TGFBR1: variants seen among roughly 807,000 people sequenced by gnomAD.
TGFBR1 encodes the protein TGF-beta receptor type-1.
Under a neutral mutation model 55.1 loss-of-function variants are expected in TGFBR1, and 20 were observed. The observed-to-expected ratio is 0.36, with a 90% CI of 0.26 to 0.53. TGFBR1 has a LOEUF of 0.53. TGFBR1 is among the 20% of genes least tolerant of loss of function. The probability of loss-of-function intolerance (pLI) is 0.91; values close to 1 mark genes in which losing one functional copy is unlikely to be tolerated. For missense variants in TGFBR1, 385 were observed against 617.6 expected (o/e 0.62, Z 3.99); for synonymous variants, 220 against 214.8 (o/e 1.02, Z -0.21).
At chr9:99,119,698 A>G (rs1426444492) in intron 1 of TGFBR1, among the ~76,000 whole-genome samples, 8 of 152,192 alleles carry the variant, frequency 5.3e-5, no homozygotes, top group Non-Finnish European at 2.9e-5. Context: ...GTGTGTCCCT[A>G]CACTGTTAAT....
At chr9:99,130,237 T>G (rs2118593054) in intron 2 of TGFBR1, among the ~76,000 whole-genome samples, 1 of 152,074 alleles carries the variant, frequency 6.6e-6, no homozygotes, top group East Asian at 1.9e-4. Context: ...AGACAAAGGA[T>G]TTGGGGGGTG....
At chr9:99,125,794 C>T (rs1043030627) in intron 1 of TGFBR1, among the ~76,000 whole-genome samples, 3 of 152,166 alleles carry the variant, frequency 2.0e-5, no homozygotes, top group Non-Finnish European at 2.9e-5. Context: ...AAAATATGTT[C>T]TCAAACCTTG....
rs374034229 is a variant in TGFBR1 at position 99,146,466 on chromosome 9, T to C, written c.1131-19T>C. 6.2e-7 allele frequency: 1 copy of C among 1,613,760 alleles called. No individual in the cohort carries two copies. On this transcript the variant is annotated intron_variant, in intron 6 of 8. Transcript: ENST00000374994. ...GTAAGGGGATGATTTTCAAAGTTCT[T>C]TTTGCAAATTTTTTTTAGGTACATG...
At chr9:99,111,628 CAACAAAAACAAACA>C (rs1826584100) in intron 1 of TGFBR1, among the ~76,000 whole-genome samples, 1 of 151,878 alleles carries the variant, frequency 6.6e-6, no homozygotes, top group African/African-American at 2.4e-5. Context: ...AACTCCATCT[CAACAAAAACAAACA>C]AACAAAAAAA....
In TGFBR1 at chr9:99,149,982, G is replaced by A; in HGVS notation, c.*677G>A. On this transcript the variant is annotated 3_prime_UTR_variant, in exon 9 of 9. Coordinates refer to ENST00000374994, the MANE Select transcript of TGFBR1 (RefSeq NM_004612.4). The stretch of plus-strand genomic sequence containing the variant: ...ACTTCTGTGTCTTTCTAATGGAAAT[G>A]AGTAGAATTGCTGAAAGTCTCTATG... 5.3e-6 allele frequency: 1 copy of A among 189,152 alleles called. No individual in the cohort carries two copies. The allele number at this position is 189,152 out of a possible 1,614,324, so 11.7% of individuals were successfully genotyped here.
At chr9:99,126,379 T>C (rs1827043763) in intron 1 of TGFBR1, among the ~76,000 whole-genome samples, 1 of 152,198 alleles carries the variant, frequency 6.6e-6, no homozygotes. Flanking sequence ...GTTACCACAT[T>C]GTATTACAGT....
At chr9:99,106,739 G>A (rs1826426279) in intron 1 of TGFBR1, among the ~76,000 whole-genome samples, 1 of 152,150 alleles carries the variant, frequency 6.6e-6, no homozygotes, top group African/African-American at 2.4e-5. Context: ...ACTATCTGGC[G>A]TAGCCCATTT....
intron 2 of TGFBR1, among the ~76,000 whole-genome samples, chr9:99,130,141 T>A (rs2118592065): frequency 6.6e-6 from 1 of 152,292 alleles, no homozygotes; most frequent in East Asian, 1.9e-4. Context: ...ACTTCTGCAA[T>A]TTACAGTACA....
rs201249841 is a variant in TGFBR1 at position 99,152,388 on chromosome 9, G to A, written c.*3083G>A. 4.4e-6 allele frequency: 1 copy of A among 225,580 alleles called. No individual in the cohort carries two copies. The highest frequency in any genetic ancestry group is 2.2e-5 in the African/African-American group (1 of 44,912). 14.0% of individuals were successfully genotyped at this position (225,580 alleles called of 1,614,324 possible). A position where few individuals can be genotyped will look rare whatever the true frequency, so the allele number is the denominator to read the frequency against. ...TATAAGACAGGGTAAGGTCTGAAGA[G>A]CTGAGCCTGTAATTCTGCTGTAATA... On this transcript the variant is annotated 3_prime_UTR_variant, in exon 9 of 9. Coordinates refer to ENST00000374994, the MANE Select transcript of TGFBR1 (RefSeq NM_004612.4).
rs756570466 is a variant in TGFBR1 at position 99,147,675 on chromosome 9, T to G, written c.1277T>G (p.Leu426Arg). The G allele has an allele frequency of 6.2e-7, 1 of 1,613,568 alleles. No homozygotes were observed. The change falls in exon 8 of 9, where the codon CTG (leucine) becomes CGG (arginine). Residue 426 changes from leucine to arginine, a missense_variant. Around this residue, in one of 5 missense-constraint regions of TGFBR1, gnomAD observed 110 missense variants for 154.6 expected, o/e 0.71. Transcript: ENST00000374994. ...SIGGIHEDYQ[L>R]PYYDLVPSDP... is the part of the protein sequence containing the mutation. ...ACAGGAATTCATGAAGATTACCAACTGCCTTATTATGATCTTGTACCTTCT... is the reference window on the plus strand; with the variant it reads ...ACAGGAATTCATGAAGATTACCAACGGCCTTATTATGATCTTGTACCTTCT...
In TGFBR1 at chr9:99,149,736, C is replaced by CTA; in HGVS notation, c.*432_*433dup. 1 of 253,826 alleles carries CTA rather than the reference C, an allele frequency of 3.9e-6. No individual in the cohort carries two copies. Among genetic ancestry groups the CTA allele is most frequent in the East Asian group, 5.9e-5 (1 of 16,968 alleles). 15.7% of individuals were successfully genotyped at this position (253,826 alleles called of 1,614,324 possible). A position where few individuals can be genotyped will look rare whatever the true frequency, so the allele number is the denominator to read the frequency against. On this transcript the variant is annotated 3_prime_UTR_variant, in exon 9 of 9. Coordinates refer to ENST00000374994, the MANE Select transcript of TGFBR1 (RefSeq NM_004612.4). ...TACATTCTCAGAGGATTCTGAACCACTAGAGTTTCCTTGATTCAGACTTTG... is the reference window on the plus strand; with the variant it reads ...TACATTCTCAGAGGATTCTGAACCACTATAGAGTTTCCTTGATTCAGACTTTG...
At chr9:99,140,467 A>C (rs562144473) in intron 4 of TGFBR1, among the ~76,000 whole-genome samples, 1 of 151,824 alleles carries the variant, frequency 6.6e-6, no homozygotes, top group South Asian at 2.1e-4. Flanking sequence ...AAAAAAAAAC[A>C]ACAACAAAAC....
chr9:99,114,344 G>C (rs539357517), intron 1 of TGFBR1, among the ~76,000 whole-genome samples: 1 of 152,284 alleles, frequency 6.6e-6, no homozygotes, highest in East Asian at 1.9e-4. Flanking sequence ...TGGTAACCAA[G>C]GCAAGTAAGG....
intron 1 of TGFBR1, among the ~76,000 whole-genome samples, chr9:99,111,443 A>G (rs1216218147): frequency 1.3e-5 from 2 of 151,778 alleles, no homozygotes; most frequent in Non-Finnish European, 1.5e-5. Context: ...CCTGGCCAAC[A>G]TGATGAAACC....
chr9:99,139,179 AT>A lies in TGFBR1; in HGVS notation c.805+1093del, dbSNP rs776389630. On this transcript the variant is annotated intron_variant, in intron 4 of 8. Transcript: ENST00000374994. The stretch of plus-strand genomic sequence containing the variant: ...TCATCCCTACCCCTGAATCAAATGT[AT>A]TTCCCAGCTTTCCTATTTAAAAAAA... Among the ~76,000 whole-genome samples the A allele has an allele frequency of 4.7e-5, 7 of 150,178 alleles. No individual in the cohort carries two copies. The East Asian group carries it at 1.4e-3, about 30-fold the overall frequency.
At chr9:99,141,178 A>T (rs542046020) in intron 4 of TGFBR1, among the ~76,000 whole-genome samples, 1 of 152,156 alleles carries the variant, frequency 6.6e-6, no homozygotes, top group Admixed American at 6.5e-5. Context: ...AGCTTTTCAA[A>T]ATTCAGTAAT....
chr9:99,107,486 T>C (rs1013247101), intron 1 of TGFBR1, among the ~76,000 whole-genome samples: 1 of 152,352 alleles, frequency 6.6e-6, no homozygotes, highest in East Asian at 1.9e-4. Flanking sequence ...TGCCATTTCA[T>C]AACTTTTTTT....
At chr9:99,121,578 T>C (rs540136679) in intron 1 of TGFBR1, among the ~76,000 whole-genome samples, 171 of 152,222 alleles carry the variant, frequency 1.1e-3, no homozygotes, top group Non-Finnish European at 2.0e-3. Context: ...CTGACATTAG[T>C]CCCTGAAAGT....
At chr9:99,105,894 C>T (rs1027008085) in intron 1 of TGFBR1, among the ~76,000 whole-genome samples, 1 of 152,228 alleles carries the variant, frequency 6.6e-6, no homozygotes, top group Non-Finnish European at 1.5e-5. Context: ...GCAGGCCGCC[C>T]TGACTCCCGC....
Sources: gnomAD v4.1 joint callset for allele counts (sites outside exome capture counted in the v4.1 genomes callset) on GRCh38, gnomAD v4.1.1 for gene constraint, gnomAD v4.1.1 regional missense constraint, MANE v1.5 for transcripts, NCBI Gene and HGNC (gene_info 2026-07-23, HGNC 2026-07-21) for gene names.